PCDHA2: variants seen among roughly 807,000 people sequenced by gnomAD.
PCDHA2 encodes the protein protocadherin alpha-2.
A neutral mutation model predicts 66.0 loss-of-function variants in PCDHA2; 58 were observed. The ratio of observed to expected loss-of-function variants is 0.88; its 90% CI spans 0.71 to 1.09. The LOEUF (loss-of-function observed/expected upper bound fraction) is 1.09, where lower values mean the gene tolerates loss of function less well. Ranked by LOEUF, PCDHA2 falls within the 50% of genes least tolerant of loss-of-function variation. The pLI, the probability that PCDHA2 is intolerant of heterozygous loss-of-function variation, is 0.00. For synonymous variants in PCDHA2, 634 were observed against 554.0 expected, an observed-to-expected ratio of 1.14 and a Z score of -2.03; for missense variants, 1,267 against 1,242.3, an observed-to-expected ratio of 1.02 and a Z score of -0.30.
intron 1 of PCDHA2, chr5:140,834,473 G>C: frequency 6.2e-7 from 1 of 1,614,140 alleles, no homozygotes; most frequent in Non-Finnish European, 8.5e-7. Context: ...GGAGAGGCCA[G>C]CTCCACTACT....
chr5:140,853,692 C>G, intron 1 of PCDHA2: 1 of 987,924 alleles, frequency 1.0e-6, no homozygotes, highest in Non-Finnish European at 1.2e-6. Context: ...ATCCTTAGAC[C>G]TGCTAACGCA....
intron 1 of PCDHA2, chr5:140,851,052 C>A (rs571650734): frequency 1.4e-6 from 2 of 1,383,936 alleles, no homozygotes; most frequent in Admixed American, 2.8e-5. Context: ...CCGACTTTGT[C>A]TTGACTTCTA....
At chr5:141,005,556 G>T (rs62384513) in intron 3 of PCDHA2, among the ~76,000 whole-genome samples, 1 of 151,476 alleles carries the variant, frequency 6.6e-6, no homozygotes, top group South Asian at 2.1e-4. Flanking sequence ...ACAAAAATTA[G>T]CCGGGCATGG....
At position 140,842,810 on chromosome 5, in the gene PCDHA2, C is replaced by A. The variant is rs1346749991; in HGVS notation, c.2388+45458C>A. The A allele has an allele frequency of 1.9e-6, 3 of 1,594,008 alleles. 1 individual carries two copies. Among genetic ancestry groups the A allele is most frequent in the Non-Finnish European group, 2.6e-6 (3 of 1,165,400 alleles). ...GCTGGTGTCCTACTCGCTTGTGGAG[C>A]GGCGGGTGGGCGAGCGCTCGCTGTC... On this transcript the variant is annotated intron_variant, in intron 1 of 3. Transcript: ENST00000526136.
chr5:140,841,385 G>C, intron 1 of PCDHA2: 2 of 1,613,440 alleles, frequency 1.2e-6, no homozygotes, highest in Non-Finnish European at 1.7e-6. Context: ...TCTGCTCCTC[G>C]CAGCCTGGAA....
At chr5:140,875,026 C>T (rs2055229265) in intron 1 of PCDHA2, among the ~76,000 whole-genome samples, 1 of 152,142 alleles carries the variant, frequency 6.6e-6, no homozygotes, top group South Asian at 2.1e-4. Flanking sequence ...TTCTGGCCTA[C>T]TGTATTTGAA....
intron 1 of PCDHA2, chr5:140,801,095 A>G: frequency 6.7e-7 from 1 of 1,498,406 alleles, no homozygotes; most frequent in Non-Finnish European, 8.8e-7. Flanking sequence ...ATCCTCTCTA[A>G]AATTTAACAC....
Position 140,843,369 on chromosome 5 carries a change from C to G in PCDHA2, c.2388+46017C>G, listed in dbSNP as rs2150358449. 8 of 1,596,038 alleles carry G rather than the reference C, an allele frequency of 5.0e-6. 2 individuals are homozygous for G. The highest frequency in any genetic ancestry group is 2.2e-5 in the South Asian group (2 of 90,512). On this transcript the variant is annotated intron_variant, in intron 1 of 3. Transcript: ENST00000526136. ...GCTCCAAAAGCGTCATCGAGGCAGT[C>G]GGCTGGCGTTTTGGGTCCGGAAGCG... is the stretch of plus-strand genomic sequence containing the variant.
In PCDHA2 at chr5:140,797,149, G is replaced by T. The variant is rs781824511; in HGVS notation, c.2185G>T (p.Glu729Ter). ...GCTGCGGTGCTCGGTGCCACCCACC[G>T]AGGGTGCGCGCGCGCCAGGAAAGCC... ...TALRCSVPPT[E>*]GARAPGKPTL... Residue 729 changes from glutamate to a stop codon, truncating the protein, a stop_gained, in exon 1 of 4, where the codon GAG becomes TAG. Transcript: ENST00000526136. LOFTEE classifies it high-confidence loss of function. 1.9e-6 allele frequency: 3 copies of T among 1,613,970 alleles called. No homozygotes were observed. Among genetic ancestry groups the T allele is most frequent in the Non-Finnish European group, 2.5e-6 (3 of 1,179,974 alleles).
chr5:140,843,756 G>T, intron 1 of PCDHA2: 5 of 1,503,398 alleles, frequency 3.3e-6, no homozygotes, highest in Admixed American at 1.9e-5. Flanking sequence ...TTCTATTTGT[G>T]GAAATTGTAG....
At chr5:140,830,601 T>C (rs1349140277) in intron 1 of PCDHA2, 2 of 664,640 alleles carry the variant, frequency 3.0e-6, no homozygotes, top group African/African-American at 3.8e-5. Context: ...CAAAATTACA[T>C]ATTTTCATTT....
intron 1 of PCDHA2, among the ~76,000 whole-genome samples, chr5:140,964,435 C>G (rs2095833359): frequency 6.6e-6 from 1 of 152,108 alleles, no homozygotes; most frequent in African/African-American, 2.4e-5. Context: ...AATTACCAAG[C>G]CTCTGCCACT....
Position 140,803,314 on chromosome 5 carries a change from C to A in PCDHA2, c.2388+5962C>A, listed in dbSNP as rs782516303. 1.9e-6 allele frequency: 3 copies of A among 1,614,140 alleles called. No homozygotes were observed. The South Asian group carries it at 3.3e-5, about 18-fold the overall frequency. On this transcript the variant is annotated intron_variant, in intron 1 of 3. Transcript: ENST00000526136. ...GTGTACTTGATCGTCGCCATCTGCG[C>A]GGTGTCCAGTCTGTTGGTGCTCACA...
At chr5:140,830,106 G>C (rs150521839) in intron 1 of PCDHA2, 22 of 1,613,500 alleles carry the variant, frequency 1.4e-5, no homozygotes, top group Non-Finnish European at 1.8e-5. Context: ...CTGGTGGAGA[G>C]TGGCCAGGCT....
At chr5:140,955,847 T>C (rs2095231839) in intron 1 of PCDHA2, among the ~76,000 whole-genome samples, 2 of 152,216 alleles carry the variant, frequency 1.3e-5, no homozygotes, top group Non-Finnish European at 2.9e-5. Context: ...TCATTCTCCT[T>C]GAAGAGGTCC....
At position 140,842,145 on chromosome 5, in the gene PCDHA2, G is replaced by A. The variant is rs2150330392; in HGVS notation, c.2388+44793G>A. On this transcript the variant is annotated intron_variant, in intron 1 of 3. Coordinates refer to ENST00000526136, the MANE Select transcript of PCDHA2 (RefSeq NM_018905.3). ...TCTGATCCGGATGAAGGAGCCAATGGGGCAATTTCATATTCTTTTAATAGC... is the reference window on the plus strand; with the variant it reads ...TCTGATCCGGATGAAGGAGCCAATGAGGCAATTTCATATTCTTTTAATAGC... The A allele has an allele frequency of 3.8e-5, 62 of 1,613,828 alleles. 1 individual carries two copies. The East Asian group carries it at 1.3e-3, about 35-fold the overall frequency.
At chr5:140,860,671 T>A (rs1339790199) in intron 1 of PCDHA2, 1 of 152,218 alleles carries the variant, frequency 6.6e-6, no homozygotes, top group Non-Finnish European at 1.5e-5. Context: ...TGAAATCAAA[T>A]GCACTTATGT....
chr5:140,823,548 G>A (rs2150126808), intron 1 of PCDHA2: 3 of 1,613,882 alleles, frequency 1.9e-6, no homozygotes, highest in Non-Finnish European at 8.5e-7. Flanking sequence ...ACGTGGTGGC[G>A]AAGGTGCGCG....
chr5:140,966,930 G>A (rs1554228913), intron 1 of PCDHA2: 1 of 1,603,704 alleles, frequency 6.2e-7, no homozygotes, highest in Middle Eastern at 1.7e-4. Flanking sequence ...CAGGCACCCG[G>A]CGCGCTCGTG....
Sources: allele counts gnomAD v4.1 joint callset (sites outside exome capture counted in the v4.1 genomes callset), GRCh38; gene constraint gnomAD v4.1.1; transcripts MANE v1.5; gene names NCBI Gene and HGNC (gene_info 2026-07-23, HGNC 2026-07-21).